CNTN4: variants seen among roughly 807,000 people sequenced by gnomAD.
CNTN4 encodes contactin 4, also known as contactin-4.
CNTN4 carries 77 observed loss-of-function variants against 122.5 expected under a neutral mutation model. The observed-to-expected ratio is 0.63, with a 90% CI of 0.52 to 0.76. The LOEUF (loss-of-function observed/expected upper bound fraction) is 0.76. CNTN4 is among the 30% of genes least tolerant of loss of function. CNTN4 has a pLI of 0.00. For synonymous variants in CNTN4, 512 were observed against 447.0 expected (o/e 1.15, Z -1.83); for missense variants, 1,256 against 1,259.1 (o/e 1.00, Z 0.04).
In CNTN4 at chr3:3,034,853, G is replaced by A. The variant is rs530593733; in HGVS notation, c.1942+63G>A. On this transcript the variant is annotated intron_variant, in intron 17 of 24. Transcript: ENST00000418658. Reference sequence around the variant, plus strand: ...CTCAGCATACTGGACACAGCACTGTGGCAAGGAACGTCTAAGTTCTCATTC... The same window carrying A: ...CTCAGCATACTGGACACAGCACTGTAGCAAGGAACGTCTAAGTTCTCATTC... 767 of 1,540,614 alleles carry A rather than the reference G, an allele frequency of 5.0e-4. 3 individuals carry two copies. The highest frequency in any genetic ancestry group is 3.8e-4 in the Non-Finnish European group (420 of 1,114,054).
intron 3 of CNTN4, among the ~76,000 whole-genome samples, chr3:2,463,643 C>T (rs745386641): frequency 2.6e-5 from 4 of 152,090 alleles, no homozygotes; most frequent in Non-Finnish European, 5.9e-5. Flanking sequence ...CCTATAATCC[C>T]AGCTACTTGG....
intron 7 of CNTN4, among the ~76,000 whole-genome samples, chr3:2,844,768 A>G (rs541718687): frequency 3.3e-5 from 5 of 152,378 alleles, no homozygotes; most frequent in Admixed American, 3.3e-4. Context: ...TTAAGGGACA[A>G]TAAAGCAGAA....
rs940477438 is a variant in CNTN4, at chr3:2,981,306, T to C, written c.1359-7039T>C. ...AAAAATACAAAAAATTAGCCGGGCG[T>C]GGTGGCGGGCGCCTGTAGTCCCAGC... On this transcript the variant is annotated intron_variant, in intron 13 of 24. Coordinates refer to ENST00000418658, the MANE Select transcript of CNTN4 (RefSeq NM_175607.3). 1.2e-4 allele frequency among the ~76,000 whole-genome samples: 18 copies of C among 151,350 alleles called. 1 individual carries two copies. Among genetic ancestry groups the C allele is most frequent in the Admixed American group, 3.3e-4 (5 of 15,216 alleles).
intron 7 of CNTN4, among the ~76,000 whole-genome samples, chr3:2,857,214 T>A (rs1159412724): frequency 1.3e-5 from 2 of 152,210 alleles, no homozygotes; most frequent in African/African-American, 4.8e-5. Context: ...GTTCTCCTGC[T>A]ACTTGAGAAA....
chr3:2,600,705 G>C (rs1176693296), intron 4 of CNTN4, among the ~76,000 whole-genome samples: 1 of 152,056 alleles, frequency 6.6e-6, no homozygotes, highest in African/African-American at 2.4e-5. Flanking sequence ...TAGTCCTTTG[G>C]GTATATACCC....
chr3:2,287,704 A>G (rs1458044104), intron 2 of CNTN4, among the ~76,000 whole-genome samples: 2 of 58,604 alleles, frequency 3.4e-5, no homozygotes, highest in Non-Finnish European at 6.7e-5. Flanking sequence ...GAAGAAGAAG[A>G]AGAAGAGGAA....
At chr3:2,563,429 C>T (rs1268365804) in intron 3 of CNTN4, among the ~76,000 whole-genome samples, 2 of 152,070 alleles carry the variant, frequency 1.3e-5, no homozygotes, top group Non-Finnish European at 2.9e-5. Context: ...TATGAGTTAA[C>T]AAATAATACA....
In CNTN4 at chr3:3,028,598, A is replaced by G. The variant is rs780639285; in HGVS notation, c.1663-2257A>G. Among the ~76,000 whole-genome samples, 55 of 152,298 alleles carry G rather than the reference A, an allele frequency of 3.6e-4. 1 individual carries two copies. Among genetic ancestry groups the G allele is most frequent in the Non-Finnish European group, 2.8e-4 (19 of 68,022 alleles). On this transcript the variant is annotated intron_variant, in intron 15 of 24. Coordinates refer to ENST00000418658, the MANE Select transcript of CNTN4 (RefSeq NM_175607.3). ...ATAAAGTGAATTAGATAGATGGTAT[A>G]GGCATTTCCCTAAGGCCAATGTGGC...
rs1183389703 is a variant in CNTN4, at chr3:2,268,514, C to CATAATTAATGTAATGTAATTAA, written c.-144-70664_-144-70663insATAATTAATGTAATGTAATTAA. ...GATTCTTTTATTATATTAATAGTAT[C>CATAATTAATGTAATGTAATTAA]TGTTACATAATATTAACTCAGTAAA... On this transcript the variant is annotated intron_variant, in intron 2 of 24. Coordinates refer to ENST00000418658, the MANE Select transcript of CNTN4 (RefSeq NM_175607.3). Among the ~76,000 whole-genome samples the CATAATTAATGTAATGTAATTAA allele has an allele frequency of 4.4e-3, 668 of 152,142 alleles. 9 individuals are homozygous for CATAATTAATGTAATGTAATTAA. Among genetic ancestry groups the CATAATTAATGTAATGTAATTAA allele is most frequent in the African/African-American group, 0.015 (642 of 41,516 alleles).
chr3:2,416,468 T>A (rs2047416552), intron 3 of CNTN4, among the ~76,000 whole-genome samples: 1 of 152,204 alleles, frequency 6.6e-6, no homozygotes, highest in Non-Finnish European at 1.5e-5. Context: ...CCATCTTGTG[T>A]TACATATGAG....
intron 2 of CNTN4, among the ~76,000 whole-genome samples, chr3:2,200,103 A>G (rs1559336614): frequency 6.6e-6 from 1 of 152,184 alleles, no homozygotes; most frequent in Non-Finnish European, 1.5e-5. Flanking sequence ...TATGTAAAGA[A>G]TGGATTCACG....
chr3:2,422,133 A>G (rs1483304728), intron 3 of CNTN4, among the ~76,000 whole-genome samples: 5 of 152,222 alleles, frequency 3.3e-5, no homozygotes, highest in Non-Finnish European at 1.5e-5. Context: ...GTGAAGTTGT[A>G]CAGAATTAGA....
intron 4 of CNTN4, among the ~76,000 whole-genome samples, chr3:2,721,042 G>A (rs574521523): frequency 1.5e-4 from 23 of 152,078 alleles, no homozygotes; most frequent in African/African-American, 4.8e-4. Flanking sequence ...GCATGATCTC[G>A]GCTCACTGCA....
chr3:2,928,751 TCTTA>T (rs1220109307), intron 13 of CNTN4, among the ~76,000 whole-genome samples: 2 of 152,210 alleles, frequency 1.3e-5, no homozygotes, highest in Middle Eastern at 3.2e-3. Context: ...TTTGCTAAAC[TCTTA>T]CTTATTGACA....
intron 10 of CNTN4, among the ~76,000 whole-genome samples, chr3:2,895,767 G>T (rs1457391158): frequency 6.6e-6 from 1 of 152,250 alleles, no homozygotes; most frequent in Non-Finnish European, 1.5e-5. Flanking sequence ...GGGCGCAGTG[G>T]CTCACGCCTG....
intron 4 of CNTN4, among the ~76,000 whole-genome samples, chr3:2,581,139 G>A (rs1418774944): frequency 2.0e-5 from 3 of 152,190 alleles, no homozygotes; most frequent in Non-Finnish European, 4.4e-5. Flanking sequence ...TACAGAATTG[G>A]AATCTCTGCA....
intron 6 of CNTN4, among the ~76,000 whole-genome samples, chr3:2,781,937 A>C (rs535610072): frequency 2.1e-5 from 3 of 145,942 alleles, no homozygotes; most frequent in Admixed American, 7.0e-5. Context: ...GTTAGCCAGG[A>C]TGGTCTCGAT....
At position 2,631,966 on chromosome 3, in the gene CNTN4, G is replaced by T. The variant is rs894780291; in HGVS notation, c.55+60408G>T. ...ACTTAGCAGGCTGAGTGAGAGGATC[G>T]CTTGAGCAAAGGAGTTCAGGGCTGT... On this transcript the variant is annotated intron_variant, in intron 4 of 24. Transcript: ENST00000418658. Among the ~76,000 whole-genome samples the T allele has an allele frequency of 1.3e-5, 2 of 151,590 alleles. 1 individual carries two copies. Among genetic ancestry groups the T allele is most frequent in the South Asian group, 4.2e-4 (2 of 4,814 alleles).
chr3:2,202,361 C>T (rs886586156), intron 2 of CNTN4, among the ~76,000 whole-genome samples: 6 of 152,136 alleles, frequency 3.9e-5, no homozygotes, highest in African/African-American at 1.4e-4. Context: ...GTGGGAGTTA[C>T]AAGTATTTGT....
Sources: gnomAD v4.1 joint callset for allele counts (sites outside exome capture counted in the v4.1 genomes callset) on GRCh38, gnomAD v4.1.1 for gene constraint, MANE v1.5 for transcripts, NCBI Gene and HGNC (gene_info 2026-07-23, HGNC 2026-07-21) for gene names.